The following PTPN13 variants were observed in gnomAD, a reference collection of about 807,000 sequenced individuals.
PTPN13 encodes tyrosine-protein phosphatase non-receptor type 13.
PTPN13 carries 191 observed loss-of-function variants against 284.0 expected under a neutral mutation model. That is an observed-to-expected ratio of 0.67 (90% CI 0.60 to 0.76). PTPN13 has a LOEUF of 0.76. Among genes scored for constraint, PTPN13 ranks in the 30% least tolerant of loss-of-function variants. The pLI is 0.00. For synonymous variants in PTPN13, 986 were observed against 1,022.3 expected, an observed-to-expected ratio of 0.96 and a Z score of 0.68; for missense variants, 2,797 against 2,939.9, an observed-to-expected ratio of 0.95 and a Z score of 1.12.
At chr4:86,614,232 C>A (rs1020385641) in intron 1 of PTPN13, among the ~76,000 whole-genome samples, 1 of 151,900 alleles carries the variant, frequency 6.6e-6, no homozygotes, top group Non-Finnish European at 1.5e-5. Context: ...GAAAAACAAC[C>A]CAAAATTACC....
chr4:86,617,566 C>T (rs1356035067), intron 1 of PTPN13, among the ~76,000 whole-genome samples: 1 of 151,998 alleles, frequency 6.6e-6, no homozygotes, highest in African/African-American at 2.4e-5. Context: ...CTAATGCTAT[C>T]CCTCCCCCTT....
chr4:86,799,317 C>CTTTTTTTTTTT (rs11358237), intron 42 of PTPN13, 113 bp downstream of exon 42: 2 of 359,308 alleles, frequency 5.6e-6, no homozygotes, highest in Non-Finnish European at 9.4e-6. Flanking sequence ...ACATTATTTG[C>CTTTTTTTTTTT]TTTTTTTTTT....
intron 9 of PTPN13, among the ~76,000 whole-genome samples, chr4:86,717,381 G>A (rs1166973460): frequency 6.6e-6 from 1 of 151,924 alleles, no homozygotes; most frequent in African/African-American, 2.4e-5. Flanking sequence ...TAGAGATGGG[G>A]TTTCACCATA....
At chr4:86,741,508 C>A in intron 15 of PTPN13, 126 bp from the exon 16 acceptor site, 1 of 807,260 alleles carries the variant, frequency 1.2e-6, no homozygotes, top group Non-Finnish European at 2.0e-6. Context: ...GGGTCTCTCC[C>A]ATAACATGTG....
chr4:86,805,395 T>C, intron 44 of PTPN13, 26 bp downstream of exon 44: 1 of 1,406,790 alleles, frequency 7.1e-7, no homozygotes, highest in Non-Finnish European at 9.9e-7. Flanking sequence ...GCTTCAGATT[T>C]AATATGTGAT....
chr4:86,779,938 T>A (rs1741105487), intron 35 of PTPN13, among the ~76,000 whole-genome samples: 1 of 152,190 alleles, frequency 6.6e-6, no homozygotes, highest in Non-Finnish European at 1.5e-5. Context: ...TAATGAACTG[T>A]GATTTCTAAG....
At chr4:86,664,357 G>T (rs1565267652) in intron 2 of PTPN13, among the ~76,000 whole-genome samples, 1 of 152,132 alleles carries the variant, frequency 6.6e-6, no homozygotes, top group Non-Finnish European at 1.5e-5. Flanking sequence ...GTATCTGAAA[G>T]TTGAAAGAAA....
At chr4:86,785,503 C>A in intron 39 of PTPN13, 135 bp downstream of exon 39, 1 of 835,902 alleles carries the variant, frequency 1.2e-6, no homozygotes, top group South Asian at 2.6e-5. Flanking sequence ...AGAAACAAAA[C>A]AGAATTTGTT....
In PTPN13 at chr4:86,767,872, C is replaced by A. The variant is rs527422330; in HGVS notation, c.4385C>A (p.Pro1462Gln). Residue 1462 changes from proline to glutamine, a missense_variant, in exon 28 of 48, where the codon CCG becomes CAG. Transcript: ENST00000411767. The stretch of plus-strand genomic sequence containing the variant: ...TCTCCAACATCTAAAGAACATGTCC[C>A]GGTAACCCCACAGTGTACCCTTTCA... ...GQSPTSKEHV[P>Q]VTPQCTLSDQ... 64 of 1,605,416 alleles carry A rather than the reference C, an allele frequency of 4.0e-5. 1 individual carries two copies. In the South Asian group the frequency reaches 6.4e-4, roughly 16 times the overall value.
chr4:86,717,100 C>A lies in PTPN13; in HGVS notation c.1368C>A (p.Gly456=). The change falls in exon 9 of 48, where the codon GGC becomes GGA. Residue 456 remains glycine, a synonymous_variant. Transcript: ENST00000411767. The part of the protein sequence containing the change: ...LPGVDETLSQ[G]QSQRPSRQYE... Reference sequence around the variant, plus strand: ...GGGTAGATGAAACCTTAAGTCAAGGCCAGTCACAGAGACCGAGGTATGTCA... The same window carrying A: ...GGGTAGATGAAACCTTAAGTCAAGGACAGTCACAGAGACCGAGGTATGTCA... 1 of 1,611,254 alleles carries A rather than the reference C, an allele frequency of 6.2e-7. No homozygotes were observed. The highest frequency in any genetic ancestry group is 1.1e-5 in the South Asian group (1 of 90,808).
intron 19 of PTPN13, among the ~76,000 whole-genome samples, chr4:86,752,600 A>G (rs1737521888): frequency 2.0e-5 from 3 of 152,290 alleles, no homozygotes; most frequent in South Asian, 4.1e-4. Context: ...ATGAAAATTC[A>G]TTACATATCC....
At chr4:86,761,453 C>G (rs1738687635) in intron 23 of PTPN13, among the ~76,000 whole-genome samples, 2 of 151,960 alleles carry the variant, frequency 1.3e-5, no homozygotes, top group African/African-American at 4.8e-5. Flanking sequence ...ATGCCTGGAA[C>G]TAGATTAAAG....
At chr4:86,705,416 T>G (rs1258469316) in intron 7 of PTPN13, among the ~76,000 whole-genome samples, 1 of 151,428 alleles carries the variant, frequency 6.6e-6, no homozygotes, top group Non-Finnish European at 1.5e-5. Flanking sequence ...GAAAAAAGAA[T>G]AGAAAATCAT....
chr4:86,595,779 G>A, intron 1 of PTPN13: 1 of 985,276 alleles, frequency 1.0e-6, no homozygotes, highest in Non-Finnish European at 1.2e-6. Flanking sequence ...GTGGGATGAA[G>A]GGCGCTGGTA....
chr4:86,686,646 A>AGCACTT (rs1378406820), intron 3 of PTPN13, 64 bp from the exon 4 acceptor site: 46 of 1,021,164 alleles, frequency 4.5e-5, no homozygotes, highest in Non-Finnish European at 4.4e-6. Context: ...CTGTTTTTAT[A>AGCACTT]GCACTTGCTT....
intron 1 of PTPN13, among the ~76,000 whole-genome samples, chr4:86,615,067 T>C (rs1311870146): frequency 6.6e-6 from 1 of 152,146 alleles, no homozygotes; most frequent in Admixed American, 6.5e-5. Flanking sequence ...TTCCTAGGAA[T>C]TAATGGACCT....
At chr4:86,642,833 A>G (rs1337376378) in intron 2 of PTPN13, among the ~76,000 whole-genome samples, 1 of 152,170 alleles carries the variant, frequency 6.6e-6, no homozygotes, top group African/African-American at 2.4e-5. Flanking sequence ...TAGCTTTTAT[A>G]TCATGGATGA....
At chr4:86,779,900 G>C (rs918234014) in intron 35 of PTPN13, among the ~76,000 whole-genome samples, 4 of 152,010 alleles carry the variant, frequency 2.6e-5, no homozygotes, top group Admixed American at 2.0e-4. Context: ...AGAAAAACAC[G>C]TATCAAGGGC....
chr4:86,639,993 T>C (rs1475705181), intron 2 of PTPN13, among the ~76,000 whole-genome samples: 1 of 152,142 alleles, frequency 6.6e-6, no homozygotes, highest in Non-Finnish European at 1.5e-5. Context: ...CCAGGAGCCA[T>C]GGGAACCTTC....
Sources: allele counts gnomAD v4.1 joint callset (sites outside exome capture counted in the v4.1 genomes callset), GRCh38; gene constraint gnomAD v4.1.1; transcripts MANE v1.5; gene names NCBI Gene and HGNC (gene_info 2026-07-23, HGNC 2026-07-21).